APBA2: variants seen among roughly 807,000 people sequenced by gnomAD.
APBA2 encodes the protein amyloid-beta A4 precursor protein-binding family A member 2.
APBA2 carries 30 observed loss-of-function variants against 75.0 expected under a neutral mutation model. That is an observed-to-expected ratio of 0.40 (90% CI 0.30 to 0.54). APBA2 has a LOEUF of 0.54. Ranked by LOEUF, APBA2 falls within the 20% of genes least tolerant of loss-of-function variation. The pLI, the probability that APBA2 is intolerant of heterozygous loss-of-function variation, is 0.49. For synonymous variants in APBA2, 444 were observed against 409.6 expected, an observed-to-expected ratio of 1.08 and a Z score of -1.01; for missense variants, 801 against 1,016.1, an observed-to-expected ratio of 0.79 and a Z score of 2.88.
chr15:28,924,476 C>A (rs1329638564), intron 2 of APBA2, among the ~76,000 whole-genome samples: 1 of 152,210 alleles, frequency 6.6e-6, no homozygotes, highest in Non-Finnish European at 1.5e-5. Flanking sequence ...CATGGACTTA[C>A]ATATTCTGAA....
At chr15:29,002,100 A>G (rs183196585) in intron 3 of APBA2, among the ~76,000 whole-genome samples, 1 of 152,336 alleles carries the variant, frequency 6.6e-6, no homozygotes, top group Non-Finnish European at 1.5e-5. Flanking sequence ...AAAGCACCAT[A>G]TAAAAGGCCT....
intron 2 of APBA2, among the ~76,000 whole-genome samples, chr15:28,927,914 C>T (rs914473954): frequency 2.0e-5 from 3 of 151,126 alleles, no homozygotes; most frequent in African/African-American, 4.8e-5. Context: ...GAGGCCGAGG[C>T]GGGCGGATCA....
At chr15:28,943,079 G>A (rs1371422784) in intron 2 of APBA2, among the ~76,000 whole-genome samples, 1 of 152,156 alleles carries the variant, frequency 6.6e-6, no homozygotes, top group African/African-American at 2.4e-5. Flanking sequence ...TCCTCACGCG[G>A]TTCCTTGAGT....
intron 14 of APBA2, among the ~76,000 whole-genome samples, chr15:29,116,344 A>G (rs1457111887): frequency 1.3e-5 from 2 of 152,084 alleles, no homozygotes; most frequent in African/African-American, 2.4e-5. Context: ...GAAGGGGTGT[A>G]GGCCGGGCGC....
intron 2 of APBA2, among the ~76,000 whole-genome samples, chr15:28,968,788 G>A (rs769723447): frequency 1.4e-4 from 22 of 152,288 alleles, no homozygotes; most frequent in Middle Eastern, 6.8e-3. Context: ...CATGCCCAGC[G>A]TACTTCCAAG....
At chr15:28,921,264 C>G (rs2033955533) in intron 1 of APBA2, among the ~76,000 whole-genome samples, 1 of 152,168 alleles carries the variant, frequency 6.6e-6, no homozygotes, top group African/African-American at 2.4e-5. Context: ...CACGAGATTT[C>G]CCTTATCTTC....
At chr15:28,987,403 A>G (rs770525556) in intron 2 of APBA2, among the ~76,000 whole-genome samples, 3 of 152,054 alleles carry the variant, frequency 2.0e-5, no homozygotes, top group Non-Finnish European at 4.4e-5. Flanking sequence ...CTGGGGCAGG[A>G]GGATCCACGT....
chr15:29,083,031 C>T lies in APBA2; in HGVS notation c.1069+6940C>T, dbSNP rs565084975. 2.6e-5 allele frequency among the ~76,000 whole-genome samples: 4 copies of T among 152,008 alleles called. No individual in the cohort carries two copies. The South Asian group carries it at 6.3e-4, about 24-fold the overall frequency. On this transcript the variant is annotated intron_variant, in intron 6 of 14. Transcript: ENST00000683413. ...GAGCCGAGATCGTGCCACAGTGCTC[C>T]AGCCTGGGCAACAGAGTGAGACACC...
intron 6 of APBA2, among the ~76,000 whole-genome samples, chr15:29,092,536 TA>T (rs1301835657): frequency 6.6e-6 from 1 of 152,068 alleles, no homozygotes; most frequent in Non-Finnish European, 1.5e-5. Flanking sequence ...CACGATGGTC[TA>T]GGGGCAGCAG....
rs901546534 is a variant in APBA2 at position 28,918,467 on chromosome 15, G to C, written c.-204-3173G>C. Among the ~76,000 whole-genome samples, 10 of 152,238 alleles carry C rather than the reference G, an allele frequency of 6.6e-5. No homozygotes were observed. The highest frequency in any genetic ancestry group is 1.5e-4 in the Non-Finnish European group (10 of 68,038). On this transcript the variant is annotated intron_variant, in intron 1 of 14. Transcript: ENST00000683413. This position sits in a 1 kb window ranked among gnomAD's most constrained non-coding sequence, Gnocchi z 4.2. ...GAGGAAGCAGGACTCCCAGGTGGGAGAGGTGAAGCAGATGGCTTCCCCCAC... is the reference window on the plus strand; with the variant it reads ...GAGGAAGCAGGACTCCCAGGTGGGACAGGTGAAGCAGATGGCTTCCCCCAC...
chr15:28,933,772 T>C (rs2034692697), intron 2 of APBA2, among the ~76,000 whole-genome samples: 1 of 152,214 alleles, frequency 6.6e-6, no homozygotes, highest in Non-Finnish European at 1.5e-5. Context: ...CCCTCTGCCT[T>C]GTGCCAGGCC....
At chr15:29,039,645 G>A (rs2040933118) in intron 3 of APBA2, among the ~76,000 whole-genome samples, 1 of 152,144 alleles carries the variant, frequency 6.6e-6, no homozygotes, top group African/African-American at 2.4e-5. Context: ...CAGCCTGCCA[G>A]TTTTCGTGTG....
At chr15:29,051,173 A>G (rs1371795247) in intron 3 of APBA2, among the ~76,000 whole-genome samples, 1 of 152,152 alleles carries the variant, frequency 6.6e-6, no homozygotes, top group African/African-American at 2.4e-5. Flanking sequence ...GACAAGTTAT[A>G]TGTGGTCTTT....
intron 6 of APBA2, among the ~76,000 whole-genome samples, chr15:29,076,925 G>T (rs919921101): frequency 6.6e-6 from 1 of 151,948 alleles, no homozygotes; most frequent in African/African-American, 2.4e-5. Flanking sequence ...CCCCAAATTC[G>T]CCTTTAGAGA....
Position 29,093,068 on chromosome 15 carries a change from C to T in APBA2, c.1070-7C>T, listed in dbSNP as rs747354636. The T allele has an allele frequency of 2.8e-5, 45 of 1,614,106 alleles. No individual in the cohort carries two copies. Among genetic ancestry groups the T allele is most frequent in the Non-Finnish European group, 3.5e-5 (41 of 1,180,058 alleles). ...TAGGAAGACTCTGACTCTGTGCCCTCCTTCAGTTCCAGGGCCCTGCGAACC... is the reference window on the plus strand; with the variant it reads ...TAGGAAGACTCTGACTCTGTGCCCTTCTTCAGTTCCAGGGCCCTGCGAACC... On this transcript the variant is annotated splice_polypyrimidine_tract_variant and splice_region_variant and intron_variant, in intron 6 of 14. Coordinates refer to ENST00000683413, the MANE Select transcript of APBA2 (RefSeq NM_001353788.2).
intron 8 of APBA2, among the ~76,000 whole-genome samples, 179 bp from the exon 9 acceptor site, chr15:29,098,310 CT>C (rs2043949722): frequency 6.6e-6 from 1 of 152,196 alleles, no homozygotes; most frequent in Admixed American, 6.5e-5. Flanking sequence ...GCCAGTGCTT[CT>C]TATCTTTTAT....
intron 2 of APBA2, among the ~76,000 whole-genome samples, chr15:28,961,839 T>G (rs2036490013): frequency 6.6e-6 from 1 of 152,198 alleles, no homozygotes; most frequent in East Asian, 1.9e-4. Context: ...CGGACGTTAG[T>G]ATTTTTAAGC....
intron 3 of APBA2, among the ~76,000 whole-genome samples, chr15:29,019,247 TCA>T (rs1378710773): frequency 6.6e-6 from 1 of 152,268 alleles, no homozygotes; most frequent in Non-Finnish European, 1.5e-5. Context: ...GGGCTGGGCC[TCA>T]CACGGCCATT....
At chr15:28,932,588 G>C (rs550874133) in intron 2 of APBA2, among the ~76,000 whole-genome samples, 1 of 152,330 alleles carries the variant, frequency 6.6e-6, no homozygotes, top group African/African-American at 2.4e-5. Flanking sequence ...CCTGACAGTG[G>C]AGATGGTGGA....
Sources: gnomAD v4.1 joint callset for allele counts (sites outside exome capture counted in the v4.1 genomes callset) on GRCh38, gnomAD v4.1.1 for gene constraint, Gnocchi (gnomAD v3.1) non-coding constraint, MANE v1.5 for transcripts, NCBI Gene and HGNC (gene_info 2026-07-23, HGNC 2026-07-21) for gene names.